ASAH1: variants seen among roughly 807,000 people sequenced by gnomAD.
The protein encoded by ASAH1 is N-acylsphingosine amidohydrolase 1, also known as acid ceramidase.
Under a neutral mutation model 59.5 loss-of-function variants are expected in ASAH1, and 70 were observed. The observed-to-expected ratio is 1.18, with a 90% confidence interval of 0.97 to 1.43. ASAH1 has a LOEUF of 1.43. Among genes scored for constraint, ASAH1 ranks in the 40% most tolerant of loss-of-function variants. The probability of loss-of-function intolerance (pLI) is 0.00; values close to 1 mark genes in which losing one functional copy is unlikely to be tolerated. For missense variants in ASAH1, 660 were observed against 482.5 expected, an observed-to-expected ratio of 1.37 and a Z score of -3.45; for synonymous variants, 213 against 166.5, an observed-to-expected ratio of 1.28 and a Z score of -2.15.
At chr8:18,059,010 G>A (rs185984176) in intron 12 of ASAH1, 119 bp from the exon 13 acceptor site, 54 of 906,148 alleles carry the variant, frequency 6.0e-5, no homozygotes, top group Admixed American at 1.5e-4. Flanking sequence ...CTCCATCCCC[G>A]CAGTGGAGTT....
chr8:18,063,335 G>A (rs903643837), intron 6 of ASAH1, 105 bp from the exon 7 acceptor site: 12 of 1,122,154 alleles, frequency 1.1e-5, no homozygotes, highest in Admixed American at 3.4e-5. Flanking sequence ...ACAGAGTCTC[G>A]TTCTGTTGGC....
intron 3 of ASAH1, 151 bp from the exon 4 acceptor site, chr8:18,070,029 G>A: frequency 3.7e-6 from 2 of 544,494 alleles, no homozygotes; most frequent in East Asian, 3.4e-5. Context: ...CACCCAGGCT[G>A]GAGTGCAGTA....
At chr8:18,072,662 CACA>C (rs1351583427) in intron 2 of ASAH1, among the ~76,000 whole-genome samples, 1 of 152,204 alleles carries the variant, frequency 6.6e-6, no homozygotes, top group African/African-American at 2.4e-5. Flanking sequence ...AACTTTTCAT[CACA>C]ACAAATTAAT....
chr8:18,071,112 C>T (rs1241456575), intron 3 of ASAH1, among the ~76,000 whole-genome samples, 188 bp downstream of exon 3: 2 of 151,610 alleles, frequency 1.3e-5, no homozygotes, highest in African/African-American at 4.8e-5. Context: ...GAAGCTGAGG[C>T]AGGGAAATTG....
intron 10 of ASAH1, chr8:18,060,096 G>C: frequency 4.7e-6 from 1 of 213,460 alleles, no homozygotes; most frequent in Admixed American, 5.3e-5. Context: ...AGATGACTTA[G>C]AACGGAAATG....
Position 18,067,302 on chromosome 8 carries a change from G to C in ASAH1, c.304-4C>G, listed in dbSNP as rs1388076323. On this transcript the variant is annotated splice_polypyrimidine_tract_variant and splice_region_variant and intron_variant, in intron 4 of 13. Coordinates refer to ENST00000637790, the MANE Select transcript of ASAH1 (RefSeq NM_177924.5). ...GAAAGTTGCCAAGTAGGCCAGGCTG[G>C]AAAACAAATATATTAATAAAAGCAT... is the stretch of plus-strand genomic sequence containing the variant. 8 of 1,571,474 alleles carry C rather than the reference G, an allele frequency of 5.1e-6. No homozygotes were observed. Among genetic ancestry groups the C allele is most frequent in the Non-Finnish European group, 6.9e-6 (8 of 1,156,658 alleles).
In ASAH1 at chr8:18,064,412, T is replaced by C. The variant is rs2073574; in HGVS notation, c.457+45A>G. ...TAATTTCATTTAGAAGATTTTTCTT[T>C]ATGTAGTGCTTCATGCTGCCCACCC... On this transcript the variant is annotated intron_variant, in intron 6 of 13. Coordinates refer to ENST00000637790, the MANE Select transcript of ASAH1 (RefSeq NM_177924.5). 824,348 of 1,336,928 alleles carry C rather than the reference T, an allele frequency of 0.62. 259,612 individuals carry two copies. The highest frequency in any genetic ancestry group is 0.68 in the African/African-American group (46,539 of 68,522). 82.8% of individuals were successfully genotyped at this position (1,336,928 alleles called of 1,614,324 possible).
chr8:18,084,217 G>C, upstream of ASAH1: 1 of 1,504,464 alleles, frequency 6.6e-7, no homozygotes, highest in Non-Finnish European at 8.8e-7. Flanking sequence ...GGGACTGGGA[G>C]GAGAGGACGG....
chr8:18,084,315 G>C, upstream of ASAH1: 2 of 1,426,652 alleles, frequency 1.4e-6, no homozygotes, highest in Non-Finnish European at 1.8e-6. Context: ...GATCGCCTTT[G>C]GCGCGTGGCG....
intron 13 of ASAH1, 74 bp downstream of exon 13, chr8:18,058,761 A>G (rs185572418): frequency 6.1e-6 from 8 of 1,321,774 alleles, no homozygotes; most frequent in Non-Finnish European, 7.7e-6. Context: ...CTGATCAAAG[A>G]TAACAGAGAA....
chr8:18,080,340 A>G (rs558587580), intron 1 of ASAH1, among the ~76,000 whole-genome samples: 1 of 152,158 alleles, frequency 6.6e-6, no homozygotes, highest in Non-Finnish European at 1.5e-5. Flanking sequence ...GGTCAGATTT[A>G]TTACGCAGAG....
At chr8:18,080,203 T>C (rs1451540053) in intron 1 of ASAH1, among the ~76,000 whole-genome samples, 1 of 152,266 alleles carries the variant, frequency 6.6e-6, no homozygotes, top group East Asian at 1.9e-4. Context: ...CAATAGCTAA[T>C]GTCAACAATG....
chr8:18,062,024 G>C, intron 8 of ASAH1: 1 of 620,882 alleles, frequency 1.6e-6, no homozygotes, highest in Admixed American at 2.9e-5. Context: ...CCCAGGACTA[G>C]AAATCAGATT....
upstream of ASAH1, chr8:18,084,787 G>T (rs1320996600): frequency 3.7e-6 from 6 of 1,613,552 alleles, no homozygotes; most frequent in Non-Finnish European, 5.1e-6. Flanking sequence ...CTCCCAGCCC[G>T]ATGCAGCAGT....
intron 3 of ASAH1, among the ~76,000 whole-genome samples, 156 bp from the exon 4 acceptor site, chr8:18,070,034 G>A (rs927943687): frequency 2.0e-5 from 3 of 152,198 alleles, no homozygotes; most frequent in Admixed American, 1.3e-4. Context: ...AGGCTGGAGT[G>A]CAGTAGCACC....
chr8:18,071,476 G>T, intron 2 of ASAH1, 86 bp from the exon 3 acceptor site: 5 of 940,828 alleles, frequency 5.3e-6, no homozygotes, highest in South Asian at 2.8e-5. Context: ...TATATGAGAG[G>T]CAAAGTCTTA....
At position 18,056,698 on chromosome 8, in the gene ASAH1, GT is replaced by G. The variant is rs1799483787; in HGVS notation, c.*835del. 1 of 152,152 alleles carries G rather than the reference GT, an allele frequency of 6.6e-6. No homozygotes were observed. The highest frequency in any genetic ancestry group is 1.5e-5 in the Non-Finnish European group (1 of 68,020). 9.4% of individuals were successfully genotyped at this position (152,152 alleles called of 1,614,324 possible). A position where few individuals can be genotyped will look rare whatever the true frequency, so the allele number is the denominator to read the frequency against. Reference sequence around the variant, plus strand: ...AATCTGAAGAACAAACTAAAAACCTGTTTATTACATGAATGCTACTTATGAG... The same window carrying G: ...AATCTGAAGAACAAACTAAAAACCTGTTATTACATGAATGCTACTTATGAG... On this transcript the variant is annotated 3_prime_UTR_variant, in exon 14 of 14. Transcript: ENST00000637790.
chr8:18,063,607 C>T (rs552264835), intron 6 of ASAH1: 1 of 196,262 alleles, frequency 5.1e-6, no homozygotes, highest in African/African-American at 2.4e-5. Flanking sequence ...GTGTAAGCCA[C>T]TGTGCCTGGC....
At position 18,071,374 on chromosome 8, in the gene ASAH1, G is replaced by A. The variant is rs779356185; in HGVS notation, c.142C>T (p.Pro48Ser). 2.9e-5 allele frequency: 47 copies of A among 1,596,406 alleles called. No individual in the cohort carries two copies. The South Asian group carries it at 4.7e-4, about 16-fold the overall frequency. The change falls in exon 3 of 14, where the codon CCA becomes TCA. Residue 48 changes from proline to serine, a missense_variant. By Grantham distance (74) the Pro-to-Ser change is moderately conservative. Coordinates refer to ENST00000637790, the MANE Select transcript of ASAH1 (RefSeq NM_177924.5). Reference protein sequence around the residue: ...PSGPTYRGAVPWYTINLDLPP... With the variant: ...PSGPTYRGAVSWYTINLDLPP... ...AAGTCAAGATTTATGGTGTACCATG[G>A]AACTGCACCTCTGTACCTGTAATGA...
Sources: gnomAD v4.1 joint callset for allele counts (sites outside exome capture counted in the v4.1 genomes callset) on GRCh38, gnomAD v4.1.1 for gene constraint, MANE v1.5 for transcripts, NCBI Gene and HGNC (gene_info 2026-07-23, HGNC 2026-07-21) for gene names.